SRD5A2: variants seen among roughly 807,000 people sequenced by gnomAD.
SRD5A2 encodes the protein steroid 5 alpha-reductase 2.
In SRD5A2, 30 loss-of-function variants were observed where a neutral mutation model predicts 27.4. The ratio of observed to expected loss-of-function variants is 1.10; its 90% CI spans 0.82 to 1.49. SRD5A2 has a LOEUF of 1.49. Among genes scored for constraint, SRD5A2 ranks in the 40% most tolerant of loss-of-function variants. The pLI is 0.00. For missense variants in SRD5A2, 348 were observed against 323.4 expected, an observed-to-expected ratio of 1.08 and a Z score of -0.58; for synonymous variants, 141 against 133.6, an observed-to-expected ratio of 1.06 and a Z score of -0.38.
At chr2:31,631,005 C>T in the SRD5A2 span, among the ~76,000 whole-genome samples, 253 of 152,266 alleles carry the variant, frequency 1.7e-3, 2 homozygotes, top group Non-Finnish European at 3.0e-3. Flanking sequence ...TCTGCTCAAA[C>T]GTGCGTGCAA....
intron 1 of SRD5A2, among the ~76,000 whole-genome samples, chr2:31,551,092 T>C (rs956601966): frequency 2.0e-5 from 3 of 152,200 alleles, no homozygotes; most frequent in African/African-American, 7.2e-5. Context: ...AATTTAAAAA[T>C]ATCACCAAAT....
At chr2:31,556,784 G>C (rs1452159597) in intron 1 of SRD5A2, among the ~76,000 whole-genome samples, 1 of 152,190 alleles carries the variant, frequency 6.6e-6, no homozygotes, top group African/African-American at 2.4e-5. Context: ...TATTACAGCA[G>C]TCACAGGAAG....
the SRD5A2 span, among the ~76,000 whole-genome samples, chr2:31,614,508 C>T: frequency 6.6e-6 from 1 of 152,172 alleles, no homozygotes; most frequent in African/African-American, 2.4e-5. Flanking sequence ...GTGGTTTTTC[C>T]AGGTACACAG....
At chr2:31,606,716 T>C in the SRD5A2 span, among the ~76,000 whole-genome samples, 1 of 151,960 alleles carries the variant, frequency 6.6e-6, no homozygotes, top group South Asian at 2.1e-4. Context: ...GCTGATACTA[T>C]GTTGCTCAAA....
At chr2:31,585,653 T>C (rs1667163870), upstream of SRD5A2, among the ~76,000 whole-genome samples, 2 of 152,166 alleles carry the variant, frequency 1.3e-5, no homozygotes, top group Admixed American at 6.5e-5. Flanking sequence ...CCAGCAGTGA[T>C]ACCCAGATAC....
intron 1 of SRD5A2, among the ~76,000 whole-genome samples, chr2:31,559,836 CCACACA>C (rs1553326924): frequency 1.6e-5 from 1 of 63,714 alleles, no homozygotes; most frequent in African/African-American, 4.5e-5. Flanking sequence ...GTAAACAAAC[CCACACA>C]CACACACACA....
chr2:31,620,434 C>A, the SRD5A2 span, among the ~76,000 whole-genome samples: 10 of 152,020 alleles, frequency 6.6e-5, no homozygotes, highest in Non-Finnish European at 1.3e-4. Flanking sequence ...ATGTAGAAAA[C>A]CCCATCATCT....
the SRD5A2 span, among the ~76,000 whole-genome samples, chr2:31,595,487 C>T: frequency 3.9e-5 from 6 of 152,044 alleles, no homozygotes; most frequent in Admixed American, 3.9e-4. Flanking sequence ...ATATACAACC[C>T]TCCCAGATTA....
chr2:31,631,334 A>G, the SRD5A2 span, among the ~76,000 whole-genome samples: 134 of 152,342 alleles, frequency 8.8e-4, no homozygotes, highest in African/African-American at 3.1e-3. Flanking sequence ...ATCAGTGAGC[A>G]TAACTAATCC....
the SRD5A2 span, among the ~76,000 whole-genome samples, chr2:31,623,726 G>A: frequency 1.3e-5 from 2 of 152,036 alleles, no homozygotes; most frequent in African/African-American, 4.8e-5. Flanking sequence ...TTAGTATGAT[G>A]TTGGCTGTGG....
the SRD5A2 span, among the ~76,000 whole-genome samples, chr2:31,662,067 CCA>C: frequency 1.3e-5 from 2 of 152,010 alleles, no homozygotes; most frequent in African/African-American, 2.4e-5. Context: ...AACATTTTTC[CCA>C]CAGATTCTTT....
chr2:31,591,594 C>T, the SRD5A2 span, among the ~76,000 whole-genome samples: 2 of 151,698 alleles, frequency 1.3e-5, no homozygotes, highest in Admixed American at 6.6e-5. Context: ...TGGGTATACA[C>T]CCAAAGGATT....
At chr2:31,604,127 T>C in the SRD5A2 span, among the ~76,000 whole-genome samples, 2 of 151,854 alleles carry the variant, frequency 1.3e-5, no homozygotes, top group Non-Finnish European at 2.9e-5. Context: ...AGAAGGAACA[T>C]ACCTCAACAT....
the SRD5A2 span, among the ~76,000 whole-genome samples, chr2:31,614,791 C>A: frequency 5.9e-5 from 9 of 152,258 alleles, no homozygotes; most frequent in African/African-American, 1.9e-4. Flanking sequence ...ACACCTAGTA[C>A]CATGTAAGCC....
chr2:31,544,642 G>A (rs532428234), intron 1 of SRD5A2, among the ~76,000 whole-genome samples: 1 of 151,654 alleles, frequency 6.6e-6, no homozygotes, highest in Admixed American at 6.6e-5. Flanking sequence ...TACAACTTAA[G>A]GAGCTAGAAA....
intron 1 of SRD5A2, among the ~76,000 whole-genome samples, chr2:31,564,087 T>C (rs910623887): frequency 1.3e-5 from 2 of 151,996 alleles, no homozygotes; most frequent in African/African-American, 4.8e-5. Context: ...CTGCTTATTA[T>C]AGGAAAAATA....
chr2:31,624,683 G>A, the SRD5A2 span, among the ~76,000 whole-genome samples: 2 of 152,124 alleles, frequency 1.3e-5, no homozygotes. Flanking sequence ...CAAAGGACAT[G>A]AGCTCATCCT....
At chr2:31,637,342 C>G in the SRD5A2 span, among the ~76,000 whole-genome samples, 2 of 151,982 alleles carry the variant, frequency 1.3e-5, no homozygotes, top group Non-Finnish European at 1.5e-5. Flanking sequence ...CAGGGTTTGT[C>G]TTCTGAGCAC....
the SRD5A2 span, among the ~76,000 whole-genome samples, chr2:31,629,517 G>T: frequency 2.2e-4 from 33 of 152,150 alleles, no homozygotes; most frequent in African/African-American, 6.3e-4. Flanking sequence ...TAGCATAGCC[G>T]CCAGACTTAA....
Sources: allele counts gnomAD v4.1 joint callset (sites outside exome capture counted in the v4.1 genomes callset), GRCh38; gene constraint gnomAD v4.1.1; transcripts MANE v1.5; gene names NCBI Gene and HGNC (gene_info 2026-07-23, HGNC 2026-07-21).